Variants in LDLRAD3 observed in about 807,000 individuals in gnomAD.
LDLRAD3 encodes the protein low-density lipoprotein receptor class A domain-containing protein 3.
In LDLRAD3, 20 loss-of-function variants were observed where a neutral mutation model predicts 29.4. That is an observed-to-expected ratio of 0.68 (90% CI 0.48 to 0.99). LDLRAD3 has a LOEUF of 0.99. Among genes scored for constraint, LDLRAD3 ranks in the 50% least tolerant of loss-of-function variants. The probability of loss-of-function intolerance (pLI) is 0.00; values close to 1 mark genes in which losing one functional copy is unlikely to be tolerated. For synonymous variants in LDLRAD3, 157 were observed against 192.7 expected, an observed-to-expected ratio of 0.81 and a Z score of 1.53; for missense variants, 420 against 454.3, an observed-to-expected ratio of 0.92 and a Z score of 0.69.
At chr11:36,215,935 A>G (rs1331244195) in intron 4 of LDLRAD3, among the ~76,000 whole-genome samples, 1 of 152,214 alleles carries the variant, frequency 6.6e-6, no homozygotes, top group Admixed American at 6.5e-5. Flanking sequence ...GAACAGAACC[A>G]GGGCAGCCTT....
chr11:35,991,468 GA>G lies in LDLRAD3; in HGVS notation c.47-44628del, dbSNP rs111719721. Reference sequence around the variant, plus strand: ...TAATTGCGGCCAGCCAGGGAAGACAGAAAAAAACCTATAATGGTTTATCATA... The same window carrying G: ...TAATTGCGGCCAGCCAGGGAAGACAGAAAAAACCTATAATGGTTTATCATA... On this transcript the variant is annotated intron_variant, in intron 1 of 5. Coordinates refer to ENST00000315571, the MANE Select transcript of LDLRAD3 (RefSeq NM_174902.4). Among the ~76,000 whole-genome samples the G allele has an allele frequency of 0.014, 2,123 of 152,148 alleles. 87 individuals carry two copies. In the East Asian group the frequency reaches 0.14, roughly 10 times the overall value.
intron 4 of LDLRAD3, among the ~76,000 whole-genome samples, chr11:36,208,714 C>T (rs1855243462): frequency 6.6e-6 from 1 of 152,090 alleles, no homozygotes; most frequent in South Asian, 2.1e-4. Context: ...GAAAGCAAAT[C>T]TTCCTTATAG....
chr11:35,986,474 G>C (rs898937237), intron 1 of LDLRAD3, among the ~76,000 whole-genome samples: 1 of 152,212 alleles, frequency 6.6e-6, no homozygotes, highest in Non-Finnish European at 1.5e-5. Context: ...GTTAGATAAT[G>C]TGTTAGTCAG....
At chr11:36,000,334 C>T (rs1317298342) in intron 1 of LDLRAD3, among the ~76,000 whole-genome samples, 1 of 150,578 alleles carries the variant, frequency 6.6e-6, no homozygotes, top group Non-Finnish European at 1.5e-5. Flanking sequence ...TATGTCTGTA[C>T]ACACATACAC....
At chr11:36,144,030 C>T (rs1338797290) in intron 4 of LDLRAD3, among the ~76,000 whole-genome samples, 1 of 151,530 alleles carries the variant, frequency 6.6e-6, no homozygotes, top group Non-Finnish European at 1.5e-5. Context: ...ACCTCCCTGC[C>T]TGATTCTCCT....
At chr11:36,105,238 TGA>T (rs35668663) in intron 4 of LDLRAD3, among the ~76,000 whole-genome samples, 11,560 of 127,960 alleles carry the variant, frequency 0.09, 509 homozygotes, top group Non-Finnish European at 0.11. Flanking sequence ...TGTGTGTGTG[TGA>T]GAGAGAGAGA....
At chr11:35,975,967 A>T (rs916871078) in intron 1 of LDLRAD3, among the ~76,000 whole-genome samples, 1 of 152,042 alleles carries the variant, frequency 6.6e-6, no homozygotes, top group African/African-American at 2.4e-5. Flanking sequence ...GAGAATGTTC[A>T]TATAGAAGAT....
intron 2 of LDLRAD3, among the ~76,000 whole-genome samples, chr11:36,054,998 G>C (rs11033392): frequency 1.2e-4 from 13 of 106,614 alleles, no homozygotes; most frequent in Middle Eastern, 5.3e-3. Flanking sequence ...TGGATGGATG[G>C]ATGCATGGAT....
chr11:36,121,536 G>A (rs1227451085), intron 4 of LDLRAD3, among the ~76,000 whole-genome samples: 2 of 152,186 alleles, frequency 1.3e-5, no homozygotes, highest in Admixed American at 6.5e-5. Flanking sequence ...CCACAATGGC[G>A]ATGGCTCCTG....
intron 2 of LDLRAD3, among the ~76,000 whole-genome samples, chr11:36,065,560 A>G (rs1315018150): frequency 6.6e-6 from 1 of 152,210 alleles, no homozygotes; most frequent in Non-Finnish European, 1.5e-5. Context: ...AACCTTTCCT[A>G]GAGCAAGACT....
intron 1 of LDLRAD3, among the ~76,000 whole-genome samples, chr11:35,960,414 T>A (rs541521475): frequency 1.8e-4 from 28 of 152,328 alleles, no homozygotes; most frequent in Admixed American, 6.5e-4. Flanking sequence ...ATCAAAGGAT[T>A]TGCACGTTTT....
chr11:36,114,756 G>A (rs1000102317), intron 4 of LDLRAD3, among the ~76,000 whole-genome samples: 3 of 152,108 alleles, frequency 2.0e-5, no homozygotes, highest in Non-Finnish European at 4.4e-5. Context: ...GTGTATTTGT[G>A]GGGACGTGAC....
At chr11:36,124,616 TTCTAA>T (rs1853808765) in intron 4 of LDLRAD3, among the ~76,000 whole-genome samples, 1 of 152,028 alleles carries the variant, frequency 6.6e-6, no homozygotes, top group South Asian at 2.1e-4. Flanking sequence ...ACCCTGTATG[TTCTAA>T]CTGGTCTTCA....
intron 4 of LDLRAD3, among the ~76,000 whole-genome samples, chr11:36,103,441 G>A (rs183571150): frequency 7.2e-5 from 11 of 152,056 alleles, no homozygotes; most frequent in African/African-American, 2.2e-4. Flanking sequence ...GGGTTTCACC[G>A]TGTTAGCCGG....
rs934228684 is a variant in LDLRAD3, at chr11:36,007,250, C to T, written c.47-28853C>T. Among the ~76,000 whole-genome samples the T allele has an allele frequency of 4.6e-5, 7 of 152,148 alleles. No individual in the cohort carries two copies. The East Asian group carries it at 9.6e-4, about 21-fold the overall frequency. On this transcript the variant is annotated intron_variant, in intron 1 of 5. Coordinates refer to ENST00000315571, the MANE Select transcript of LDLRAD3 (RefSeq NM_174902.4). ...TCTACTAGTGAGAGAAGGTGTAATT[C>T]GCAGGAATGTGTGTCAAGACCCACC... is the stretch of plus-strand genomic sequence containing the variant.
At chr11:36,065,265 T>G (rs1272203800) in intron 2 of LDLRAD3, among the ~76,000 whole-genome samples, 1 of 152,232 alleles carries the variant, frequency 6.6e-6, no homozygotes, top group East Asian at 1.9e-4. Flanking sequence ...AAGTTCTACT[T>G]TGACTCTAGG....
intron 2 of LDLRAD3, among the ~76,000 whole-genome samples, chr11:36,069,241 G>A (rs1027511672): frequency 1.3e-5 from 2 of 152,162 alleles, no homozygotes; most frequent in Non-Finnish European, 2.9e-5. Flanking sequence ...CCACAATAAA[G>A]GAGCTCCCCC....
In LDLRAD3 at chr11:36,043,474, A is replaced by C. The variant is rs143962247; in HGVS notation, c.193+7225A>C. 6.3e-3 allele frequency among the ~76,000 whole-genome samples: 962 copies of C among 152,254 alleles called. 15 individuals carry two copies. The highest frequency in any genetic ancestry group is 0.022 in the African/African-American group (926 of 41,532). On this transcript the variant is annotated intron_variant, in intron 2 of 5. Coordinates refer to ENST00000315571, the MANE Select transcript of LDLRAD3 (RefSeq NM_174902.4). ...ATTGTATCTTCCAAAAGGATATAGG[A>C]TATGTTGAAATCCAAACCCCCGGTA...
At chr11:36,007,026 G>A (rs185568436) in intron 1 of LDLRAD3, among the ~76,000 whole-genome samples, 4 of 152,194 alleles carry the variant, frequency 2.6e-5, no homozygotes, top group Admixed American at 2.0e-4. Flanking sequence ...CACACAGTGG[G>A]CCTCAGTGAC....
Sources: allele counts gnomAD v4.1 joint callset (sites outside exome capture counted in the v4.1 genomes callset), GRCh38; gene constraint gnomAD v4.1.1; transcripts MANE v1.5; gene names NCBI Gene and HGNC (gene_info 2026-07-23, HGNC 2026-07-21).